FHIT: variants seen among roughly 807,000 people sequenced by gnomAD.
FHIT encodes bis(5'-adenosyl)-triphosphatase.
FHIT carries 19 observed loss-of-function variants against 17.9 expected under a neutral mutation model. The ratio of observed to expected loss-of-function variants is 1.06; its 90% CI spans 0.74 to 1.56. FHIT has a LOEUF of 1.56. Among genes scored for constraint, FHIT ranks in the 40% most tolerant of loss-of-function variants. The pLI, the probability that FHIT is intolerant of heterozygous loss-of-function variation, is 0.00. For missense variants in FHIT, 248 were observed against 189.2 expected (o/e 1.31, Z -1.82); for synonymous variants, 81 against 69.7 (o/e 1.16, Z -0.81).
At chr3:61,027,121 C>T (rs1432842045) in intron 3 of FHIT, among the ~76,000 whole-genome samples, 3 of 152,088 alleles carry the variant, frequency 2.0e-5, no homozygotes, top group Non-Finnish European at 2.9e-5. Flanking sequence ...GAGTCTGGCT[C>T]TGTTGCCCAG....
chr3:60,515,264 G>T (rs990643007), intron 5 of FHIT, among the ~76,000 whole-genome samples: 3 of 152,176 alleles, frequency 2.0e-5, no homozygotes, highest in Non-Finnish European at 4.4e-5. Flanking sequence ...TGCAGAGCTC[G>T]GTTCAAGGCA....
chr3:60,532,418 T>C (rs1248277762), intron 5 of FHIT, among the ~76,000 whole-genome samples: 2 of 151,064 alleles, frequency 1.3e-5, no homozygotes, highest in African/African-American at 2.4e-5. Flanking sequence ...GCAAAGGGAG[T>C]GGGGGTAAGG....
intron 8 of FHIT, among the ~76,000 whole-genome samples, chr3:59,753,069 G>A (rs943593269): frequency 1.3e-5 from 2 of 152,008 alleles, no homozygotes; most frequent in Admixed American, 1.3e-4. Flanking sequence ...AAGGCATTGA[G>A]TTTGCCACCA....
At chr3:61,244,228 G>A (rs528794838) in intron 1 of FHIT, 1 of 152,084 alleles carries the variant, frequency 6.6e-6, no homozygotes, top group Non-Finnish European at 1.5e-5. Flanking sequence ...CCACTCTTTC[G>A]GTTATCTGGA....
At chr3:60,530,339 G>A (rs1483602041) in intron 5 of FHIT, among the ~76,000 whole-genome samples, 1 of 152,066 alleles carries the variant, frequency 6.6e-6, no homozygotes, top group African/African-American at 2.4e-5. Flanking sequence ...GTGTTTCGTG[G>A]GTATGTCACC....
intron 3 of FHIT, among the ~76,000 whole-genome samples, chr3:60,877,672 A>T (rs1704733570): frequency 6.6e-6 from 1 of 152,188 alleles, no homozygotes; most frequent in Non-Finnish European, 1.5e-5. Context: ...ACAACTGTGC[A>T]TCCCAGGGCT....
chr3:60,923,261 A>G (rs1553768843), intron 3 of FHIT, among the ~76,000 whole-genome samples: 1 of 152,254 alleles, frequency 6.6e-6, no homozygotes, highest in East Asian at 1.9e-4. Flanking sequence ...TTAAGGGTTC[A>G]GACTCTGGAG....
At chr3:61,208,172 C>G (rs1052317052) in intron 1 of FHIT, among the ~76,000 whole-genome samples, 1 of 152,116 alleles carries the variant, frequency 6.6e-6, no homozygotes, top group African/African-American at 2.4e-5. Flanking sequence ...GCACTGTGGT[C>G]TGAGAGACAG....
chr3:60,433,051 A>C (rs1295662813), intron 5 of FHIT, among the ~76,000 whole-genome samples: 3 of 151,902 alleles, frequency 2.0e-5, no homozygotes, highest in Non-Finnish European at 4.4e-5. Flanking sequence ...TCCATAACAA[A>C]CTTTATATCT....
At chr3:60,162,655 CCTT>C (rs1471593021) in intron 5 of FHIT, among the ~76,000 whole-genome samples, 2 of 152,100 alleles carry the variant, frequency 1.3e-5, no homozygotes, top group Non-Finnish European at 2.9e-5. Flanking sequence ...TTCATTTTTA[CCTT>C]CTTTATAGAT....
At chr3:59,958,575 C>T (rs957154794) in intron 7 of FHIT, among the ~76,000 whole-genome samples, 4 of 152,206 alleles carry the variant, frequency 2.6e-5, no homozygotes, top group Admixed American at 2.6e-4. Flanking sequence ...TAGGTTTTTA[C>T]TGAGTGTCAA....
rs201931766 is a variant in FHIT, at chr3:60,498,675, C to T, written c.103+38185G>A. On this transcript the variant is annotated intron_variant, in intron 5 of 9. Coordinates refer to ENST00000492590, the MANE Select transcript of FHIT (RefSeq NM_002012.4). ...AATATTTGTACTCCACTGCACTAGGCAAAGTTGAACAAACAGTTAAACAAC... is the reference window on the plus strand; with the variant it reads ...AATATTTGTACTCCACTGCACTAGGTAAAGTTGAACAAACAGTTAAACAAC... Among the ~76,000 whole-genome samples the T allele has an allele frequency of 5.7e-4, 87 of 152,232 alleles. 2 individuals are homozygous for T. In the East Asian group the frequency reaches 7.9e-3, roughly 14 times the overall value.
chr3:60,339,824 T>G (rs893047242), intron 5 of FHIT, among the ~76,000 whole-genome samples: 1 of 152,172 alleles, frequency 6.6e-6, no homozygotes, highest in African/African-American at 2.4e-5. Context: ...GTGGGCCATG[T>G]TCTCACCTTG....
At chr3:59,930,267 T>C (rs1177875684) in intron 7 of FHIT, among the ~76,000 whole-genome samples, 1 of 152,048 alleles carries the variant, frequency 6.6e-6, no homozygotes, top group East Asian at 1.9e-4. Flanking sequence ...TCAGGCTAGG[T>C]AGGATGCATT....
intron 5 of FHIT, among the ~76,000 whole-genome samples, chr3:60,163,615 T>G (rs533887627): frequency 6.6e-6 from 1 of 152,220 alleles, no homozygotes; most frequent in African/African-American, 2.4e-5. Flanking sequence ...GGAGGAAGCC[T>G]CTCCAGCATC....
At chr3:60,197,075 C>T (rs926629805) in intron 5 of FHIT, among the ~76,000 whole-genome samples, 7 of 152,134 alleles carry the variant, frequency 4.6e-5, no homozygotes, top group Non-Finnish European at 8.8e-5. Context: ...TAGTGTGGTA[C>T]ATATTCCATT....
chr3:59,752,158 G>C, intron 9 of FHIT, 63 bp downstream of exon 9: 4 of 1,163,888 alleles, frequency 3.4e-6, no homozygotes, highest in Non-Finnish European at 5.0e-6. Context: ...CCCATTCTGA[G>C]AGTGCAGCCT....
intron 5 of FHIT, among the ~76,000 whole-genome samples, chr3:60,273,276 G>A (rs1187095366): frequency 6.6e-6 from 1 of 152,066 alleles, no homozygotes; most frequent in East Asian, 1.9e-4. Context: ...CTCTTCTAGA[G>A]GAAATTTTAT....
chr3:61,099,836 T>A (rs559793854), intron 2 of FHIT, among the ~76,000 whole-genome samples: 1 of 152,254 alleles, frequency 6.6e-6, no homozygotes, highest in Non-Finnish European at 1.5e-5. Context: ...TAGTGGTCTA[T>A]TTTATTATTA....
Sources: gnomAD v4.1 joint callset for allele counts (sites outside exome capture counted in the v4.1 genomes callset) on GRCh38, gnomAD v4.1.1 for gene constraint, MANE v1.5 for transcripts, NCBI Gene and HGNC (gene_info 2026-07-23, HGNC 2026-07-21) for gene names.